ADAMTS16: variants seen among roughly 807,000 people sequenced by gnomAD.
The protein encoded by ADAMTS16 is A disintegrin and metalloproteinase with thrombospondin motifs 16.
Under a neutral mutation model 145.8 loss-of-function variants are expected in ADAMTS16, and 94 were observed. That is an observed-to-expected ratio of 0.64 (90% CI 0.55 to 0.77). The LOEUF (loss-of-function observed/expected upper bound fraction) is 0.77, where lower values mean the gene tolerates loss of function less well. Ranked by LOEUF, ADAMTS16 falls within the 30% of genes least tolerant of loss-of-function variation. The pLI is 0.00. For missense variants in ADAMTS16, 1,585 were observed against 1,591.5 expected, an observed-to-expected ratio of 1.00 and a Z score of 0.07; for synonymous variants, 659 against 604.3, an observed-to-expected ratio of 1.09 and a Z score of -1.33.
chr5:5,263,286 G>A (rs540867617), intron 18 of ADAMTS16, among the ~76,000 whole-genome samples: 81 of 152,244 alleles, frequency 5.3e-4, no homozygotes, highest in Middle Eastern at 3.4e-3. Context: ...ACTGCCCCTA[G>A]GAGTTCCTAA....
In ADAMTS16 at chr5:5,147,912, C is replaced by T. The variant is rs75894885; in HGVS notation, c.501+1457C>T. On this transcript the variant is annotated intron_variant, in intron 3 of 22. Transcript: ENST00000274181. ...CAGCAAGGATGCAAGCTCCCTGAGG[C>T]CCCTGGGTTTCCCTGAGCCAGGGAG... is the stretch of plus-strand genomic sequence containing the variant. Among the ~76,000 whole-genome samples, 26 of 152,268 alleles carry T rather than the reference C, an allele frequency of 1.7e-4. No individual in the cohort carries two copies. In the East Asian group the frequency reaches 4.8e-3, roughly 28 times the overall value.
intron 18 of ADAMTS16, among the ~76,000 whole-genome samples, chr5:5,271,727 T>G (rs1428485244): frequency 6.6e-6 from 1 of 152,166 alleles, no homozygotes; most frequent in Non-Finnish European, 1.5e-5. Flanking sequence ...AATGGAGACT[T>G]CCCCTCTGTT....
chr5:5,204,802 A>G (rs988465027), intron 9 of ADAMTS16, among the ~76,000 whole-genome samples: 6 of 152,210 alleles, frequency 3.9e-5, no homozygotes, highest in Non-Finnish European at 8.8e-5. Context: ...TCAGAGTCAT[A>G]AATGTATAAG....
intron 10 of ADAMTS16, among the ~76,000 whole-genome samples, chr5:5,221,208 CATTCAGGACCCTTGA>C (rs575034968): frequency 5.5e-4 from 84 of 152,234 alleles, no homozygotes; most frequent in Middle Eastern, 3.4e-3. Context: ...TGGAGAATTA[CATTCAGGACCCTTGA>C]ATTCATGGGT....
At chr5:5,154,773 GAA>G (rs1734561156) in intron 3 of ADAMTS16, among the ~76,000 whole-genome samples, 1 of 152,190 alleles carries the variant, frequency 6.6e-6, no homozygotes. Flanking sequence ...TGGCATAGCA[GAA>G]GTGAGATTTG....
intron 3 of ADAMTS16, among the ~76,000 whole-genome samples, chr5:5,155,492 C>A (rs186199317): frequency 6.6e-6 from 1 of 152,278 alleles, no homozygotes; most frequent in East Asian, 1.9e-4. Flanking sequence ...AATATCAAAG[C>A]ACCCTAGACA....
chr5:5,311,082 C>A (rs892358141), intron 21 of ADAMTS16, among the ~76,000 whole-genome samples: 4 of 152,044 alleles, frequency 2.6e-5, no homozygotes, highest in Non-Finnish European at 5.9e-5. Context: ...GGGCCCTGTG[C>A]CTCGCAGCCC....
At chr5:5,194,850 A>G (rs1353678906) in intron 8 of ADAMTS16, among the ~76,000 whole-genome samples, 2 of 152,212 alleles carry the variant, frequency 1.3e-5, no homozygotes, top group African/African-American at 4.8e-5. Context: ...TGAATTTATT[A>G]TGACTTTTAC....
chr5:5,213,542 C>T (rs369945519), intron 10 of ADAMTS16, among the ~76,000 whole-genome samples: 1 of 152,204 alleles, frequency 6.6e-6, no homozygotes, highest in African/African-American at 2.4e-5. Context: ...ATAGATACTT[C>T]TATTATATTA....
At chr5:5,314,362 C>T (rs140547134) in intron 21 of ADAMTS16, among the ~76,000 whole-genome samples, 27 of 152,230 alleles carry the variant, frequency 1.8e-4, no homozygotes, top group African/African-American at 5.1e-4. Context: ...AGCTCTGCCC[C>T]GCAGGAGTCT....
intron 17 of ADAMTS16, among the ~76,000 whole-genome samples, chr5:5,258,478 T>C (rs2126421981): frequency 6.6e-6 from 1 of 152,366 alleles, no homozygotes; most frequent in Non-Finnish European, 1.5e-5. Context: ...AAGCACAGCC[T>C]GGCACTCCGT....
In ADAMTS16 at chr5:5,291,119, T is replaced by C. The variant is rs111330018; in HGVS notation, c.2790-12149T>C. 9.7e-3 allele frequency among the ~76,000 whole-genome samples: 1,478 copies of C among 152,186 alleles called. 35 individuals are homozygous for C. Among genetic ancestry groups the C allele is most frequent in the African/African-American group, 0.034 (1,406 of 41,530 alleles). ...ATCACATAGTTCCATGTGATGACCA[T>C]ATCATGACATCATTTTTACCAATGC... is the stretch of plus-strand genomic sequence containing the variant. On this transcript the variant is annotated intron_variant, in intron 18 of 22. Coordinates refer to ENST00000274181, the MANE Select transcript of ADAMTS16 (RefSeq NM_139056.4).
At position 5,310,029 on chromosome 5, in the gene ADAMTS16, G is replaced by A. The variant is rs191749376; in HGVS notation, c.3411+3301G>A. Among the ~76,000 whole-genome samples the A allele has an allele frequency of 2.5e-4, 38 of 152,234 alleles. No homozygotes were observed. Among genetic ancestry groups the A allele is most frequent in the East Asian group, 1.4e-3 (7 of 5,178 alleles). ...GAATTCCTGAGACTGACCTGCCAGT[G>A]GGGCAAAACCCACCATAGGCCACTC... is the stretch of plus-strand genomic sequence containing the variant. On this transcript the variant is annotated intron_variant, in intron 21 of 22. Coordinates refer to ENST00000274181, the MANE Select transcript of ADAMTS16 (RefSeq NM_139056.4). The surrounding 1 kb of genome is among the most constrained non-coding windows in gnomAD (Gnocchi z 4.3).
intron 18 of ADAMTS16, among the ~76,000 whole-genome samples, chr5:5,278,812 T>C (rs1341862126): frequency 6.6e-6 from 1 of 152,090 alleles, no homozygotes; most frequent in East Asian, 1.9e-4. Context: ...TATTTATAGA[T>C]GTTTATAAAC....
chr5:5,289,195 C>T (rs533964276), intron 18 of ADAMTS16, among the ~76,000 whole-genome samples: 161 of 139,906 alleles, frequency 1.2e-3, no homozygotes, highest in African/African-American at 3.8e-3. Context: ...AACCACTCAA[C>T]AGATAATAGA....
At chr5:5,195,697 T>G (rs1170489321) in intron 8 of ADAMTS16, among the ~76,000 whole-genome samples, 1 of 152,216 alleles carries the variant, frequency 6.6e-6, no homozygotes, top group Non-Finnish European at 1.5e-5. Flanking sequence ...TGCAGAAGTA[T>G]TCATTATTCA....
chr5:5,285,152 T>TA (rs1000107840), intron 18 of ADAMTS16, among the ~76,000 whole-genome samples: 17 of 152,174 alleles, frequency 1.1e-4, no homozygotes, highest in African/African-American at 1.4e-4. Flanking sequence ...TGTGTTTTTT[T>TA]AAAAAAAATA....
chr5:5,304,581 G>C (rs1160327111), intron 20 of ADAMTS16, among the ~76,000 whole-genome samples: 1 of 152,064 alleles, frequency 6.6e-6, no homozygotes, highest in Non-Finnish European at 1.5e-5. Context: ...CTCAGGGAGG[G>C]ACCCGGATCT....
At chr5:5,215,825 T>C (rs1440575750) in intron 10 of ADAMTS16, among the ~76,000 whole-genome samples, 2 of 114,634 alleles carry the variant, frequency 1.7e-5, no homozygotes, top group Middle Eastern at 4.3e-3. Context: ...ATATATGTGG[T>C]ATATATATGT....
Sources: gnomAD v4.1 joint callset for allele counts (sites outside exome capture counted in the v4.1 genomes callset) on GRCh38, gnomAD v4.1.1 for gene constraint, Gnocchi (gnomAD v3.1) non-coding constraint, MANE v1.5 for transcripts, NCBI Gene and HGNC (gene_info 2026-07-23, HGNC 2026-07-21) for gene names.